Variants in PLA2G4C observed in about 807,000 individuals in gnomAD.
The protein encoded by PLA2G4C is cytosolic phospholipase A2 gamma.
Under a neutral mutation model 73.8 loss-of-function variants are expected in PLA2G4C, and 64 were observed. The observed-to-expected ratio is 0.87, with a 90% CI of 0.71 to 1.07. The LOEUF (loss-of-function observed/expected upper bound fraction) is 1.07. Among genes scored for constraint, PLA2G4C ranks in the 50% least tolerant of loss-of-function variants. The pLI is 0.00. For missense variants in PLA2G4C, 622 were observed against 665.4 expected (o/e 0.93, Z 0.72); for synonymous variants, 254 against 252.1 (o/e 1.01, Z -0.07).
At chr19:48,098,053 A>AG in intron 6 of PLA2G4C, 86 bp downstream of exon 6, 1 of 1,447,482 alleles carries the variant, frequency 6.9e-7, no homozygotes, top group East Asian at 2.3e-5. Flanking sequence ...GGGCTCCCCA[A>AG]GGGGAGGGCA....
chr19:48,065,986 G>A (rs191636595), intron 13 of PLA2G4C, among the ~76,000 whole-genome samples: 4 of 151,932 alleles, frequency 2.6e-5, no homozygotes, highest in Admixed American at 1.3e-4. Context: ...CCAGCTACTC[G>A]GGAGGCAGGA....
intron 13 of PLA2G4C, among the ~76,000 whole-genome samples, chr19:48,064,256 C>T (rs1968321751): frequency 6.6e-6 from 1 of 151,986 alleles, no homozygotes. Flanking sequence ...TGGTGAAATC[C>T]TGTCTCTACT....
chr19:48,082,255 TA>T (rs2122584622), intron 10 of PLA2G4C, among the ~76,000 whole-genome samples: 1 of 152,092 alleles, frequency 6.6e-6, no homozygotes, highest in South Asian at 2.1e-4. Flanking sequence ...TCTTAATATT[TA>T]AAAATATTAT....
intron 13 of PLA2G4C, among the ~76,000 whole-genome samples, chr19:48,064,323 G>A (rs926058783): frequency 6.6e-6 from 1 of 151,814 alleles, no homozygotes; most frequent in African/African-American, 2.4e-5. Flanking sequence ...CAGCTACTCG[G>A]GAGGCTGAGG....
intron 11 of PLA2G4C, among the ~76,000 whole-genome samples, chr19:48,077,380 C>G (rs972909982): frequency 2.0e-5 from 3 of 151,918 alleles, no homozygotes; most frequent in African/African-American, 7.3e-5. Context: ...AGGAATATAC[C>G]TAACCAAGGA....
intron 11 of PLA2G4C, among the ~76,000 whole-genome samples, chr19:48,075,647 G>T (rs1051266871): frequency 6.6e-6 from 1 of 152,076 alleles, no homozygotes; most frequent in African/African-American, 2.4e-5. Flanking sequence ...AACCTTCACC[G>T]CATTCCTTGG....
intron 11 of PLA2G4C, among the ~76,000 whole-genome samples, chr19:48,076,250 A>C (rs1363289293): frequency 6.6e-6 from 1 of 152,206 alleles, no homozygotes; most frequent in African/African-American, 2.4e-5. Context: ...ATCTTCCACA[A>C]CTGGAAGGAA....
intron 4 of PLA2G4C, among the ~76,000 whole-genome samples, chr19:48,102,744 C>T (rs1265081938): frequency 2.0e-5 from 3 of 152,186 alleles, no homozygotes; most frequent in Non-Finnish European, 4.4e-5. Context: ...ATTTTCCTGC[C>T]TGTGAAATGG....
intron 13 of PLA2G4C, 158 bp from the exon 14 acceptor site, chr19:48,062,310 A>C (rs913336809): frequency 2.9e-5 from 17 of 594,230 alleles, no homozygotes; most frequent in Admixed American, 7.0e-5. Flanking sequence ...CTCTTCCCAG[A>C]TTCATATGTT....
At position 48,106,569 on chromosome 19, in the gene PLA2G4C, A is replaced by G; in HGVS notation, c.-32-8T>C. ...AGAAAATTCTCAGTCCTCCTGCCAA[A>G]GAAATGGCTCTTCTTAGTCCTGTGC... On this transcript the variant is annotated splice_polypyrimidine_tract_variant and splice_region_variant and intron_variant, in intron 1 of 16. Transcript: ENST00000599921. 6.2e-7 allele frequency: 1 copy of G among 1,612,218 alleles called. No individual in the cohort carries two copies. The highest frequency in any genetic ancestry group is 8.5e-7 in the Non-Finnish European group (1 of 1,178,246).
At chr19:48,074,579 A>G in intron 12 of PLA2G4C, 188 bp downstream of exon 12, 1 of 598,732 alleles carries the variant, frequency 1.7e-6, no homozygotes, top group South Asian at 1.9e-5. Flanking sequence ...ACAATGGTTG[A>G]ACTAATTTAC....
intron 10 of PLA2G4C, among the ~76,000 whole-genome samples, chr19:48,083,292 G>T (rs116624724): frequency 0.028 from 4,170 of 151,356 alleles, 151 homozygotes; most frequent in African/African-American, 0.084. Context: ...ACATTTATTT[G>T]ATATAAATAT....
chr19:48,061,857 G>A (rs557642975), intron 14 of PLA2G4C, 141 bp downstream of exon 14: 1 of 821,280 alleles, frequency 1.2e-6, no homozygotes, highest in East Asian at 2.7e-5. Context: ...CGATGGGTGA[G>A]TTGATTTGGC....
At chr19:48,055,094 G>T in intron 14 of PLA2G4C, 45 bp from the exon 15 acceptor site, 1 of 224,572 alleles carries the variant, frequency 4.5e-6, no homozygotes, top group South Asian at 9.5e-5. Flanking sequence ...CTCTCCAGAA[G>T]ACCCCTCCAG....
chr19:48,071,756 AT>A (rs1353078336), intron 12 of PLA2G4C, among the ~76,000 whole-genome samples: 1 of 151,926 alleles, frequency 6.6e-6, no homozygotes, highest in Non-Finnish European at 1.5e-5. Context: ...GCTTTTTTAA[AT>A]GTTTTATCTA....
At position 48,093,280 on chromosome 19, in the gene PLA2G4C, T is replaced by C. The variant is rs115671886; in HGVS notation, c.709+2184A>G. On this transcript the variant is annotated intron_variant, in intron 7 of 16. Transcript: ENST00000599921. ...TGATGTCATCTCTGATTCTCCTTAC[T>C]CTCCACATCCAATCCAGGTGTAATT... Among the ~76,000 whole-genome samples the C allele has an allele frequency of 4.0e-3, 614 of 152,260 alleles. 5 individuals are homozygous for C. Among genetic ancestry groups the C allele is most frequent in the African/African-American group, 0.013 (555 of 41,546 alleles).
chr19:48,099,328 A>G (rs1292442460), intron 5 of PLA2G4C, among the ~76,000 whole-genome samples: 1 of 152,136 alleles, frequency 6.6e-6, no homozygotes. Flanking sequence ...CCAAGCAGAG[A>G]TGGAGAGGAA....
chr19:48,054,861 T>C lies in PLA2G4C; in HGVS notation c.1429+17A>G. On this transcript the variant is annotated intron_variant, in intron 15 of 16. Coordinates refer to ENST00000599921, the MANE Select transcript of PLA2G4C (RefSeq NM_003706.3). ...CTAATACAGGTGGCTTCTCACCTGC[T>C]CCTCCCCTGCACCTACCTCCACAGG... 1 of 1,613,240 alleles carries C rather than the reference T, an allele frequency of 6.2e-7. No homozygotes were observed. Among genetic ancestry groups the C allele is most frequent in the Non-Finnish European group, 8.5e-7 (1 of 1,179,424 alleles).
chr19:48,065,370 C>A (rs1487411284), intron 13 of PLA2G4C, among the ~76,000 whole-genome samples: 1 of 152,012 alleles, frequency 6.6e-6, no homozygotes, highest in Non-Finnish European at 1.5e-5. Flanking sequence ...AATCCCAGCA[C>A]TTTGGGAGGC....
Sources: allele counts gnomAD v4.1 joint callset (sites outside exome capture counted in the v4.1 genomes callset), GRCh38; gene constraint gnomAD v4.1.1; transcripts MANE v1.5; gene names NCBI Gene and HGNC (gene_info 2026-07-23, HGNC 2026-07-21).